The following MAF variants were observed in gnomAD, a reference collection of about 807,000 sequenced individuals.
MAF encodes MAF bZIP transcription factor.
A neutral mutation model predicts 22.0 loss-of-function variants in MAF; 10 were observed. That is an observed-to-expected ratio of 0.45 (90% CI 0.28 to 0.77). The LOEUF is 0.77. Ranked by LOEUF, MAF falls within the 30% of genes least tolerant of loss-of-function variation. The probability of loss-of-function intolerance (pLI) is 0.12; values close to 1 mark genes in which losing one functional copy is unlikely to be tolerated. For missense variants in MAF, 544 were observed against 548.4 expected (o/e 0.99, Z 0.08); for synonymous variants, 337 against 255.8 (o/e 1.32, Z -3.03).
chr16:79,443,507 C>A, the MAF span, among the ~76,000 whole-genome samples: 1 of 152,140 alleles, frequency 6.6e-6, no homozygotes, highest in Admixed American at 6.5e-5. Flanking sequence ...GAACTTCTTA[C>A]ATTGCTGGAG....
the MAF span, among the ~76,000 whole-genome samples, chr16:79,255,367 T>C: frequency 6.6e-6 from 1 of 152,182 alleles, no homozygotes; most frequent in Non-Finnish European, 1.5e-5. Flanking sequence ...TAAGAAGAGC[T>C]CTCTGCTCGT....
At chr16:79,360,034 G>A in the MAF span, among the ~76,000 whole-genome samples, 1 of 152,152 alleles carries the variant, frequency 6.6e-6, no homozygotes, top group Non-Finnish European at 1.5e-5. Flanking sequence ...TTGGGGAAGA[G>A]GGTGGGGTGG....
At chr16:79,533,253 GTC>G in the MAF span, among the ~76,000 whole-genome samples, 1 of 152,120 alleles carries the variant, frequency 6.6e-6, no homozygotes, top group Non-Finnish European at 1.5e-5. Flanking sequence ...CAGAGGGATG[GTC>G]TCAGACCTGT....
chr16:79,413,210 G>GTTGTTTTTTTTT, the MAF span, among the ~76,000 whole-genome samples: 12 of 63,642 alleles, frequency 1.9e-4, 3 homozygotes, highest in Admixed American at 4.9e-4. Context: ...GAGCTGTGCA[G>GTTGTTTTTTTTT]TTTTTTTTTT....
chr16:79,436,570 G>C, the MAF span, among the ~76,000 whole-genome samples: 1 of 152,156 alleles, frequency 6.6e-6, no homozygotes, highest in African/African-American at 2.4e-5. Flanking sequence ...TTACACCAAA[G>C]GGTTATTTAT....
chr16:79,396,823 T>A, the MAF span, among the ~76,000 whole-genome samples: 1 of 152,348 alleles, frequency 6.6e-6, no homozygotes, highest in African/African-American at 2.4e-5. Flanking sequence ...TAGGGTGATG[T>A]GAATTTGCAG....
intron 1 of MAF, chr16:79,598,304 C>G (rs1322911868): frequency 1.0e-5 from 11 of 1,091,642 alleles, no homozygotes; most frequent in Middle Eastern, 4.1e-4. Flanking sequence ...CACACACACA[C>G]AGAAAATGAA....
At chr16:79,206,109 C>T in the MAF span, 1 of 152,096 alleles carries the variant, frequency 6.6e-6, no homozygotes. Context: ...TTCAATTTAG[C>T]TCCATGAGTA....
At chr16:79,287,086 C>T in the MAF span, among the ~76,000 whole-genome samples, 1 of 151,126 alleles carries the variant, frequency 6.6e-6, no homozygotes, top group Non-Finnish European at 1.5e-5. Flanking sequence ...ATTCCAGAAT[C>T]AGCTTTGTTG....
chr16:79,460,611 G>A, the MAF span, among the ~76,000 whole-genome samples: 1 of 152,056 alleles, frequency 6.6e-6, no homozygotes, highest in South Asian at 2.1e-4. Flanking sequence ...ATTCTTCCAT[G>A]CAATGTTTGG....
the MAF span, among the ~76,000 whole-genome samples, chr16:79,361,869 T>C: frequency 2.2e-4 from 33 of 152,240 alleles, no homozygotes; most frequent in Admixed American, 6.5e-4. Flanking sequence ...ATCTTGTCTG[T>C]AGAAAGGAAA....
chr16:79,282,116 G>A, the MAF span, among the ~76,000 whole-genome samples: 1 of 152,032 alleles, frequency 6.6e-6, no homozygotes, highest in African/African-American at 2.4e-5. Flanking sequence ...GCCTGGACAA[G>A]ATGGTGAAAC....
At chr16:79,235,565 T>C in the MAF span, among the ~76,000 whole-genome samples, 1 of 151,762 alleles carries the variant, frequency 6.6e-6, no homozygotes, top group Non-Finnish European at 1.5e-5. Context: ...TTTAAAAATA[T>C]GATTGAAAGC....
chr16:79,331,571 G>T, the MAF span, among the ~76,000 whole-genome samples: 1 of 152,066 alleles, frequency 6.6e-6, no homozygotes, highest in Non-Finnish European at 1.5e-5. Flanking sequence ...CGAGCCACCC[G>T]CATCTCTGGC....
At chr16:79,394,029 C>T in the MAF span, among the ~76,000 whole-genome samples, 1 of 152,194 alleles carries the variant, frequency 6.6e-6, no homozygotes, top group Admixed American at 6.5e-5. Flanking sequence ...CCCTATTTCA[C>T]AGAAGAGGAG....
the MAF span, among the ~76,000 whole-genome samples, chr16:79,255,273 A>G: frequency 2.2e-4 from 33 of 152,304 alleles, no homozygotes; most frequent in African/African-American, 7.2e-4. Context: ...AATCACATCC[A>G]ATGGCTGGCT....
At chr16:79,243,421 G>C in the MAF span, among the ~76,000 whole-genome samples, 14 of 152,058 alleles carry the variant, frequency 9.2e-5, no homozygotes, top group East Asian at 3.9e-4. Flanking sequence ...ACTATTGTCA[G>C]GGAATACTAT....
chr16:79,259,268 G>A, the MAF span, among the ~76,000 whole-genome samples: 5 of 152,006 alleles, frequency 3.3e-5, no homozygotes, highest in East Asian at 1.9e-4. Context: ...TGCCCACTCC[G>A]GGCCTTTGCA....
At chr16:79,353,158 A>G in the MAF span, among the ~76,000 whole-genome samples, 1 of 150,956 alleles carries the variant, frequency 6.6e-6, no homozygotes, top group African/African-American at 2.4e-5. Flanking sequence ...GTCTCACTCT[A>G]TCACCCAGGC....
Sources: gnomAD v4.1 joint callset for allele counts (sites outside exome capture counted in the v4.1 genomes callset) on GRCh38, gnomAD v4.1.1 for gene constraint, MANE v1.5 for transcripts, NCBI Gene and HGNC (gene_info 2026-07-23, HGNC 2026-07-21) for gene names.